The following NTNG2 variants were observed in gnomAD, a reference collection of about 807,000 sequenced individuals.
NTNG2 encodes netrin G2, also known as netrin-G2.
A neutral mutation model predicts 47.6 loss-of-function variants in NTNG2; 15 were observed. The ratio of observed to expected loss-of-function variants is 0.32; its 90% CI spans 0.21 to 0.49. NTNG2 has a LOEUF of 0.49. Ranked by LOEUF, NTNG2 falls within the 20% of genes least tolerant of loss-of-function variation. The pLI, the probability that NTNG2 is intolerant of heterozygous loss-of-function variation, is 0.99. For synonymous variants in NTNG2, 307 were observed against 324.6 expected, an observed-to-expected ratio of 0.95 and a Z score of 0.58; for missense variants, 578 against 764.6, an observed-to-expected ratio of 0.76 and a Z score of 2.88.
chr9:132,169,008 C>T (rs1273015222), intron 2 of NTNG2, among the ~76,000 whole-genome samples: 1 of 152,124 alleles, frequency 6.6e-6, no homozygotes, highest in African/African-American at 2.4e-5. Context: ...GTGCAGTGGG[C>T]GGCTGTTCTG....
In NTNG2 at chr9:132,227,030, C is replaced by T. The variant is rs1256204831; in HGVS notation, c.1030+9C>T. On this transcript the variant is annotated intron_variant, in intron 4 of 7. Coordinates refer to ENST00000393229, the MANE Select transcript of NTNG2 (RefSeq NM_032536.4). ...TGGCTCTCCCAACGCCTGTACGTGC[C>T]ATGCCCCGGGGCCACGAGCCCACAT... 7 of 1,588,670 alleles carry T rather than the reference C, an allele frequency of 4.4e-6. No homozygotes were observed. In the Admixed American group the frequency reaches 1.2e-4, roughly 27 times the overall value.
chr9:132,210,506 G>A (rs1198056125), intron 3 of NTNG2, among the ~76,000 whole-genome samples: 2 of 152,232 alleles, frequency 1.3e-5, no homozygotes, highest in African/African-American at 4.8e-5. Context: ...TTCATAGTAG[G>A]TATAGCCAAA....
intron 5 of NTNG2, among the ~76,000 whole-genome samples, chr9:132,237,337 G>C (rs142424514): frequency 1.3e-5 from 2 of 152,320 alleles, no homozygotes; most frequent in Non-Finnish European, 2.9e-5. Flanking sequence ...AGCTGGCCCA[G>C]GGCGGCTCGG....
At chr9:132,213,193 A>G (rs1386367449) in intron 3 of NTNG2, among the ~76,000 whole-genome samples, 2 of 152,148 alleles carry the variant, frequency 1.3e-5, no homozygotes, top group Non-Finnish European at 2.9e-5. Context: ...ATAGTGGTGC[A>G]TGCCTATAAT....
rs1840732334 is a variant in NTNG2 at position 132,226,078 on chromosome 9, CG to C, written c.858-769del. ...CTCAGTGGGAAGTTCTGGGCTGGTG[CG>C]GCTCAGTGCCTGGAGCTATGCATTC... is the stretch of plus-strand genomic sequence containing the variant. On this transcript the variant is annotated intron_variant, in intron 3 of 7. Coordinates refer to ENST00000393229, the MANE Select transcript of NTNG2 (RefSeq NM_032536.4). The surrounding 1 kb of genome is among the most constrained non-coding windows in gnomAD (Gnocchi z 4.8). 6.6e-6 allele frequency among the ~76,000 whole-genome samples: 1 copy of C among 152,098 alleles called. No individual in the cohort carries two copies. The highest frequency in any genetic ancestry group is 2.1e-4 in the South Asian group (1 of 4,814).
At chr9:132,234,120 C>G (rs932497860) in intron 5 of NTNG2, among the ~76,000 whole-genome samples, 9 of 151,926 alleles carry the variant, frequency 5.9e-5, no homozygotes, top group South Asian at 4.1e-4. Context: ...CTCCGCCCCC[C>G]CAGGTTCAAG....
rs991338151 is a variant in NTNG2, at chr9:132,219,233, G to GA, written c.858-7607dup. Among the ~76,000 whole-genome samples the GA allele has an allele frequency of 7.0e-5, 10 of 141,886 alleles. No homozygotes were observed. The South Asian group carries it at 9.1e-4, about 13-fold the overall frequency. 93.1% of individuals were successfully genotyped at this position (141,886 alleles called of 152,430 possible). On this transcript the variant is annotated intron_variant, in intron 3 of 7. Transcript: ENST00000393229. Reference sequence around the variant, plus strand: ...TCTGTCTCAAAACAAAAAAAAAAAAGAAAAAAAAAGTCATCTACCTATCCT... The same window carrying GA: ...TCTGTCTCAAAACAAAAAAAAAAAAGAAAAAAAAAAGTCATCTACCTATCCT...
At chr9:132,240,259 C>T (rs534914369) in intron 6 of NTNG2, among the ~76,000 whole-genome samples, 76 of 152,390 alleles carry the variant, frequency 5.0e-4, no homozygotes, top group African/African-American at 1.7e-3. Flanking sequence ...AAGCCGCTGA[C>T]GTCACAGGGG....
At chr9:132,194,737 A>G (rs575844150) in intron 2 of NTNG2, among the ~76,000 whole-genome samples, 1 of 152,192 alleles carries the variant, frequency 6.6e-6, no homozygotes, top group Non-Finnish European at 1.5e-5. Context: ...GGACAGAGCT[A>G]TTTTGGTCAA....
chr9:132,223,906 C>T (rs1840536360), intron 3 of NTNG2, among the ~76,000 whole-genome samples: 1 of 151,888 alleles, frequency 6.6e-6, no homozygotes, highest in African/African-American at 2.4e-5. Flanking sequence ...CCTGGTCTGG[C>T]CTCCTCCACC....
chr9:132,239,740 G>T (rs1192712346), intron 6 of NTNG2, among the ~76,000 whole-genome samples: 3 of 152,246 alleles, frequency 2.0e-5, no homozygotes, highest in African/African-American at 7.2e-5. Flanking sequence ...TCGCCTTGCT[G>T]CGTGCATTTG....
chr9:132,203,626 G>T (rs562178941), intron 3 of NTNG2, among the ~76,000 whole-genome samples: 3 of 152,332 alleles, frequency 2.0e-5, no homozygotes, highest in East Asian at 3.9e-4. Context: ...AAATACCCCT[G>T]CAGCCCAGGG....
At chr9:132,214,476 G>A (rs1240773480) in intron 3 of NTNG2, among the ~76,000 whole-genome samples, 1 of 152,232 alleles carries the variant, frequency 6.6e-6, no homozygotes, top group East Asian at 1.9e-4. Flanking sequence ...TCTGGGCTGG[G>A]CTCTCCCCTG....
intron 3 of NTNG2, among the ~76,000 whole-genome samples, chr9:132,207,632 G>A (rs188035354): frequency 3.3e-4 from 51 of 152,338 alleles, no homozygotes; most frequent in Admixed American, 2.5e-3. Flanking sequence ...TGGGGGTCAG[G>A]ATGTCAACAT....
chr9:132,195,101 TTC>T (rs1037518984), intron 2 of NTNG2, among the ~76,000 whole-genome samples: 17 of 152,248 alleles, frequency 1.1e-4, no homozygotes, highest in African/African-American at 3.9e-4. Context: ...TTTTCTTTCT[TTC>T]TCTTTCTTTC....
In NTNG2 at chr9:132,162,553, T is replaced by TGTGA. The variant is rs1554775823; in HGVS notation, c.-484+316_-484+319dup. 7.5e-5 allele frequency among the ~76,000 whole-genome samples: 7 copies of TGTGA among 93,926 alleles called. No individual in the cohort carries two copies. The highest frequency in any genetic ancestry group is 1.3e-4 in the Non-Finnish European group (6 of 47,398). 61.6% of individuals were successfully genotyped at this position (93,926 alleles called of 152,430 possible). On this transcript the variant is annotated intron_variant, in intron 1 of 7. Coordinates refer to ENST00000393229, the MANE Select transcript of NTNG2 (RefSeq NM_032536.4). This position sits in a 1 kb window ranked among gnomAD's most constrained non-coding sequence, Gnocchi z 4.6. Reference sequence around the variant, plus strand: ...GTGTGAGAGTGTGTGTGTGTGTGTGTGTGAGAGAGAGACAGAGTGTGTGTG... The same window carrying TGTGA: ...GTGTGAGAGTGTGTGTGTGTGTGTGTGTGAGTGAGAGAGAGACAGAGTGTGTGTG...
intron 2 of NTNG2, among the ~76,000 whole-genome samples, chr9:132,195,433 C>T (rs914644584): frequency 1.3e-4 from 19 of 151,394 alleles, no homozygotes; most frequent in Non-Finnish European, 2.8e-4. Context: ...CTCAGCCTCC[C>T]GAGTAGCTGG....
In NTNG2 at chr9:132,221,164, A is replaced by G. The variant is rs1190705351; in HGVS notation, c.858-5685A>G. On this transcript the variant is annotated intron_variant, in intron 3 of 7. Transcript: ENST00000393229. The surrounding 1 kb of genome is among the most constrained non-coding windows in gnomAD (Gnocchi z 4.2). ...GGGGTTGTGAAAGGCCTCCCCAAAG[A>G]AGTGGCATTTGGCCTAGAATCTGAC... 6.6e-6 allele frequency among the ~76,000 whole-genome samples: 1 copy of G among 152,172 alleles called. No individual in the cohort carries two copies. The highest frequency in any genetic ancestry group is 1.5e-5 in the Non-Finnish European group (1 of 68,032).
At chr9:132,241,842 C>T in intron 7 of NTNG2, 34 bp from the exon 8 acceptor site, 4 of 1,462,056 alleles carry the variant, frequency 2.7e-6, no homozygotes, top group Non-Finnish European at 3.7e-6. Flanking sequence ...GGGACCGGGC[C>T]ACCCCCCGTG....
Sources: gnomAD v4.1 joint callset for allele counts (sites outside exome capture counted in the v4.1 genomes callset) on GRCh38, gnomAD v4.1.1 for gene constraint, Gnocchi (gnomAD v3.1) non-coding constraint, MANE v1.5 for transcripts, NCBI Gene and HGNC (gene_info 2026-07-23, HGNC 2026-07-21) for gene names.